The following GALNT13 variants were observed in gnomAD, a reference collection of about 807,000 sequenced individuals.
GALNT13 encodes the protein UDP-GalNAc:polypeptide N-acetylgalactosaminyltransferase 13.
A neutral mutation model predicts 64.2 loss-of-function variants in GALNT13; 28 were observed. The observed-to-expected ratio is 0.44, with a 90% confidence interval of 0.32 to 0.60. The LOEUF (loss-of-function observed/expected upper bound fraction) is 0.60. Among genes scored for constraint, GALNT13 ranks in the 20% least tolerant of loss-of-function variants. The pLI, the probability that GALNT13 is intolerant of heterozygous loss-of-function variation, is 0.05. For missense variants in GALNT13, 577 were observed against 669.8 expected, an observed-to-expected ratio of 0.86 and a Z score of 1.53; for synonymous variants, 214 against 224.6, an observed-to-expected ratio of 0.95 and a Z score of 0.42.
chr2:153,525,139 A>G, the GALNT13 span, among the ~76,000 whole-genome samples: 6 of 152,290 alleles, frequency 3.9e-5, no homozygotes, highest in East Asian at 1.9e-4. Flanking sequence ...CCTAGACACA[A>G]TCCTTGGCCA....
chr2:154,268,626 G>C (rs13420459), intron 8 of GALNT13, among the ~76,000 whole-genome samples: 27,773 of 150,692 alleles, frequency 0.18, 2,952 homozygotes, highest in Middle Eastern at 0.33. Flanking sequence ...CACACACACA[G>C]AGAGAGAGAC....
At chr2:154,337,535 A>G (rs886976885) in intron 9 of GALNT13, among the ~76,000 whole-genome samples, 4 of 152,102 alleles carry the variant, frequency 2.6e-5, no homozygotes, top group African/African-American at 9.6e-5. Flanking sequence ...TTTAAAACCC[A>G]TAAGCATACC....
At chr2:153,971,110 C>G (rs1243892928) in intron 3 of GALNT13, among the ~76,000 whole-genome samples, 1 of 152,128 alleles carries the variant, frequency 6.6e-6, no homozygotes, top group Non-Finnish European at 1.5e-5. Flanking sequence ...TACCTCAGTA[C>G]CTTTGTCTTG....
the GALNT13 span, among the ~76,000 whole-genome samples, chr2:153,288,889 TATA>T: frequency 2.0e-5 from 3 of 152,206 alleles, no homozygotes; most frequent in African/African-American, 7.2e-5. Context: ...TTTATATACT[TATA>T]ATCTGTTTTA....
chr2:153,745,811 C>T, the GALNT13 span, among the ~76,000 whole-genome samples: 5 of 152,028 alleles, frequency 3.3e-5, no homozygotes, highest in African/African-American at 1.2e-4. Context: ...GCCTGGACTT[C>T]CTGGATAATC....
chr2:154,410,656 C>CA (rs1242102146), intron 11 of GALNT13, among the ~76,000 whole-genome samples: 1 of 151,904 alleles, frequency 6.6e-6, no homozygotes, highest in Admixed American at 6.6e-5. Flanking sequence ...CCCACACTCA[C>CA]AAGTAGCTGC....
chr2:154,049,901 G>T (rs1699490707), intron 3 of GALNT13, among the ~76,000 whole-genome samples: 1 of 151,798 alleles, frequency 6.6e-6, no homozygotes. Context: ...TATTTTGTTG[G>T]ATGCTTTTTC....
intron 3 of GALNT13, among the ~76,000 whole-genome samples, chr2:153,987,976 T>C (rs1475066684): frequency 6.6e-6 from 1 of 151,694 alleles, no homozygotes; most frequent in Non-Finnish European, 1.5e-5. Flanking sequence ...AAGAGCACCA[T>C]AGAACAGAAT....
At chr2:153,181,220 C>T in the GALNT13 span, among the ~76,000 whole-genome samples, 11 of 151,096 alleles carry the variant, frequency 7.3e-5, no homozygotes, top group South Asian at 2.1e-3. Context: ...TCATTTGTCT[C>T]AAGATATTTT....
the GALNT13 span, among the ~76,000 whole-genome samples, chr2:153,302,331 G>A: frequency 0.14 from 20,954 of 151,834 alleles, 1,812 homozygotes; most frequent in Non-Finnish European, 0.2. Context: ...TTACATACTT[G>A]TTAACTATTT....
At chr2:153,502,202 C>T in the GALNT13 span, among the ~76,000 whole-genome samples, 5 of 152,188 alleles carry the variant, frequency 3.3e-5, no homozygotes, top group East Asian at 9.7e-4. Context: ...AAGCAGTGTA[C>T]ACTGTACTCA....
chr2:153,784,599 G>T, the GALNT13 span, among the ~76,000 whole-genome samples: 1 of 152,308 alleles, frequency 6.6e-6, no homozygotes, highest in African/African-American at 2.4e-5. Flanking sequence ...CAGCCACTCA[G>T]GCACTCCCAG....
intron 7 of GALNT13, among the ~76,000 whole-genome samples, chr2:154,247,357 G>T (rs1689836204): frequency 6.6e-6 from 1 of 151,852 alleles, no homozygotes; most frequent in African/African-American, 2.4e-5. Flanking sequence ...TTCCCAAATT[G>T]TTTTCATTTA....
the GALNT13 span, among the ~76,000 whole-genome samples, chr2:153,468,847 C>T: frequency 6.6e-6 from 1 of 152,032 alleles, no homozygotes; most frequent in Non-Finnish European, 1.5e-5. Context: ...AGTAAGAACA[C>T]AATGTTATAA....
At chr2:153,209,301 G>T in the GALNT13 span, among the ~76,000 whole-genome samples, 1 of 151,698 alleles carries the variant, frequency 6.6e-6, no homozygotes, top group Admixed American at 6.6e-5. Flanking sequence ...TTTTTTCCTC[G>T]CCCTGTCTTA....
At chr2:153,386,079 T>G in the GALNT13 span, among the ~76,000 whole-genome samples, 59 of 151,894 alleles carry the variant, frequency 3.9e-4, no homozygotes, top group Middle Eastern at 3.4e-3. Context: ...TTGGGGGGGT[T>G]TTTTGTAGAA....
chr2:154,383,530 A>G (rs1236185298), intron 9 of GALNT13, among the ~76,000 whole-genome samples: 1 of 151,996 alleles, frequency 6.6e-6, no homozygotes, highest in African/African-American at 2.4e-5. Flanking sequence ...GAGTTACTAA[A>G]TTGTAACAAC....
the GALNT13 span, among the ~76,000 whole-genome samples, chr2:153,694,816 T>C: frequency 6.6e-6 from 1 of 152,166 alleles, no homozygotes; most frequent in African/African-American, 2.4e-5. Flanking sequence ...ATGTCTAAGA[T>C]ACTATGTCCG....
At chr2:153,628,499 T>G in the GALNT13 span, among the ~76,000 whole-genome samples, 1 of 151,524 alleles carries the variant, frequency 6.6e-6, no homozygotes, top group Non-Finnish European at 1.5e-5. Flanking sequence ...AGATAGCTCT[T>G]ATTATTTTGA....
Sources: gnomAD v4.1 joint callset for allele counts (sites outside exome capture counted in the v4.1 genomes callset) on GRCh38, gnomAD v4.1.1 for gene constraint, MANE v1.5 for transcripts, NCBI Gene and HGNC (gene_info 2026-07-23, HGNC 2026-07-21) for gene names.